Variants in SPPL3 observed in about 807,000 individuals in gnomAD.
SPPL3 encodes the protein signal peptide peptidase like 3.
In SPPL3, 5 loss-of-function variants were observed where a neutral mutation model predicts 42.4. The observed-to-expected ratio is 0.12, with a 90% CI of 0.06 to 0.25. SPPL3 has a LOEUF of 0.25. Among genes scored for constraint, SPPL3 ranks in the 10% least tolerant of loss-of-function variants. The probability of loss-of-function intolerance (pLI) is 1.00; values close to 1 mark genes in which losing one functional copy is unlikely to be tolerated. For missense variants in SPPL3, 235 were observed against 489.0 expected (o/e 0.48, Z 4.90); for synonymous variants, 195 against 181.8 (o/e 1.07, Z -0.58).
At chr12:120,862,082 G>C (rs1872631509) in intron 1 of SPPL3, among the ~76,000 whole-genome samples, 1 of 152,086 alleles carries the variant, frequency 6.6e-6, no homozygotes, top group South Asian at 2.1e-4. Flanking sequence ...TTTTAGTTCA[G>C]GACTCTTGTT....
rs1415637035 is a variant in SPPL3 at position 120,810,837 on chromosome 12, T to C, written c.73A>G (p.Ile25Val). 1.9e-6 allele frequency: 3 copies of C among 1,613,030 alleles called. No homozygotes were observed. The highest frequency in any genetic ancestry group is 2.5e-6 in the Non-Finnish European group (3 of 1,179,156). ...SSQVSTFLISILLIVYGSFRS... is the reference protein window; with the variant it reads ...SSQVSTFLISVLLIVYGSFRS... ...AAACTACCATAGACTATAAGAAGAATGGAAATCAGAAATGTAGACACTTGA... is the reference window on the plus strand; with the variant it reads ...AAACTACCATAGACTATAAGAAGAACGGAAATCAGAAATGTAGACACTTGA... Residue 25 changes from isoleucine (I) to valine (V), a missense_variant, in exon 2 of 11, where the codon ATT becomes GTT. Ile to Val is a conservative substitution (Grantham distance 29). Transcript: ENST00000353487.
At chr12:120,880,729 G>C (rs190622512) in intron 1 of SPPL3, among the ~76,000 whole-genome samples, 1 of 151,592 alleles carries the variant, frequency 6.6e-6, no homozygotes, top group African/African-American at 2.4e-5. Flanking sequence ...AGAGGTTGCA[G>C]TGAGCCGAGA....
In SPPL3 at chr12:120,903,976, G is replaced by C. The variant is rs1350878492; in HGVS notation, c.-109C>G. ...GCCGGGGTCCGGTGCTTGCTTGCTT[G>C]CTCGCTCGCTGGCTCGCTGGCTGCA... On this transcript the variant is annotated 5_prime_UTR_variant, in exon 1 of 11. Coordinates refer to ENST00000353487, the MANE Select transcript of SPPL3 (RefSeq NM_139015.5). The C allele has an allele frequency of 4.1e-6, 4 of 965,348 alleles. No homozygotes were observed. The East Asian group carries it at 1.0e-4, about 25-fold the overall frequency. 59.8% of individuals were successfully genotyped at this position (965,348 alleles called of 1,614,324 possible).
chr12:120,806,373 A>G (rs1046754000), intron 2 of SPPL3, among the ~76,000 whole-genome samples: 1 of 151,922 alleles, frequency 6.6e-6, no homozygotes, highest in Non-Finnish European at 1.5e-5. Flanking sequence ...TGCATTTTTG[A>G]CAACGGTGCC....
intron 1 of SPPL3, among the ~76,000 whole-genome samples, chr12:120,886,802 T>C (rs751230847): frequency 2.0e-5 from 3 of 152,122 alleles, no homozygotes; most frequent in Non-Finnish European, 4.4e-5. Context: ...AGCAAAAATC[T>C]AGATCATAAG....
chr12:120,807,126 A>T (rs1481517108), intron 2 of SPPL3, among the ~76,000 whole-genome samples: 3 of 152,202 alleles, frequency 2.0e-5, no homozygotes, highest in Admixed American at 2.0e-4. Flanking sequence ...TCACCAAAGA[A>T]GATAAACGGA....
At chr12:120,834,892 C>A (rs1024729208) in intron 1 of SPPL3, among the ~76,000 whole-genome samples, 9 of 152,094 alleles carry the variant, frequency 5.9e-5, no homozygotes, top group African/African-American at 2.2e-4. Context: ...TAAAAACTAA[C>A]CCTCCAACTA....
At chr12:120,782,626 T>C in intron 6 of SPPL3, 29 bp downstream of exon 6, 2 of 1,494,422 alleles carry the variant, frequency 1.3e-6, no homozygotes, top group Non-Finnish European at 1.8e-6. Flanking sequence ...TAAAGTAAAA[T>C]TACAATTTGT....
At chr12:120,824,312 AT>A (rs968064173) in intron 1 of SPPL3, among the ~76,000 whole-genome samples, 12 of 151,776 alleles carry the variant, frequency 7.9e-5, no homozygotes, top group East Asian at 5.8e-4. Context: ...TAACACTAAA[AT>A]TTTTTTTTAA....
At chr12:120,795,553 G>C (rs1165358132) in intron 2 of SPPL3, among the ~76,000 whole-genome samples, 1 of 152,032 alleles carries the variant, frequency 6.6e-6, no homozygotes, top group Non-Finnish European at 1.5e-5. Context: ...CCGTTACATT[G>C]ACTTTTCACT....
intron 1 of SPPL3, among the ~76,000 whole-genome samples, chr12:120,869,760 A>C (rs1872864836): frequency 6.6e-6 from 1 of 152,246 alleles, no homozygotes; most frequent in East Asian, 1.9e-4. Context: ...AGTAGTTATG[A>C]AAATGGAAAC....
At chr12:120,797,812 C>A (rs1870155601) in intron 2 of SPPL3, among the ~76,000 whole-genome samples, 1 of 152,098 alleles carries the variant, frequency 6.6e-6, no homozygotes, top group South Asian at 2.1e-4. Context: ...TGATAATGAT[C>A]TTAACTTCGT....
chr12:120,815,996 C>G (rs2137005105), intron 1 of SPPL3, among the ~76,000 whole-genome samples: 1 of 152,232 alleles, frequency 6.6e-6, no homozygotes, highest in Admixed American at 6.5e-5. Flanking sequence ...TCCCAAAATG[C>G]CAGGATTACA....
At chr12:120,849,416 T>C (rs988242925) in intron 1 of SPPL3, among the ~76,000 whole-genome samples, 3 of 152,130 alleles carry the variant, frequency 2.0e-5, no homozygotes, top group African/African-American at 7.2e-5. Context: ...TAGATACGAA[T>C]AGATTAATGA....
chr12:120,790,457 T>C (rs1351152528), intron 3 of SPPL3, among the ~76,000 whole-genome samples: 1 of 152,228 alleles, frequency 6.6e-6, no homozygotes, highest in Admixed American at 6.5e-5. Context: ...ATCTACCTTT[T>C]AATTAGATCT....
chr12:120,799,857 T>C (rs1244695866), intron 2 of SPPL3, among the ~76,000 whole-genome samples: 1 of 152,176 alleles, frequency 6.6e-6, no homozygotes, highest in Non-Finnish European at 1.5e-5. Context: ...CCACTATGAC[T>C]GGGGTCCGGT....
chr12:120,801,436 TG>T (rs1339677965), intron 2 of SPPL3, among the ~76,000 whole-genome samples: 1 of 152,036 alleles, frequency 6.6e-6, no homozygotes, highest in Non-Finnish European at 1.5e-5. Context: ...TTTTTTTTTT[TG>T]AGATCTTATA....
intron 6 of SPPL3, among the ~76,000 whole-genome samples, chr12:120,778,205 C>G (rs531211126): frequency 1.4e-5 from 2 of 142,550 alleles, no homozygotes; most frequent in South Asian, 2.3e-4. Context: ...CAACCTCCAC[C>G]TCCTGGGTTG....
At position 120,845,453 on chromosome 12, in the gene SPPL3, G is replaced by A. The variant is rs57597345; in HGVS notation, c.24-34567C>T. 3.1e-3 allele frequency: 1,258 copies of A among 410,394 alleles called. 20 individuals carry two copies. The highest frequency in any genetic ancestry group is 0.021 in the African/African-American group (1,023 of 47,610). 25.4% of individuals were successfully genotyped at this position (410,394 alleles called of 1,614,324 possible). On this transcript the variant is annotated intron_variant, in intron 1 of 10. Coordinates refer to ENST00000353487, the MANE Select transcript of SPPL3 (RefSeq NM_139015.5). ...GCCGGATCTTGTCCGAGCCGCCCAC[G>A]CCCCACACAGTGAAGCTAATATTCT... is the stretch of plus-strand genomic sequence containing the variant.
Sources: gnomAD v4.1 joint callset for allele counts (sites outside exome capture counted in the v4.1 genomes callset) on GRCh38, gnomAD v4.1.1 for gene constraint, MANE v1.5 for transcripts, NCBI Gene and HGNC (gene_info 2026-07-23, HGNC 2026-07-21) for gene names.